ULK2: variants seen among roughly 807,000 people sequenced by gnomAD.
The protein encoded by ULK2 is serine/threonine-protein kinase ULK2.
A neutral mutation model predicts 127.5 loss-of-function variants in ULK2; 76 were observed. The observed-to-expected ratio is 0.60, with a 90% confidence interval of 0.50 to 0.72. ULK2 has a LOEUF of 0.72. Among genes scored for constraint, ULK2 ranks in the 30% least tolerant of loss-of-function variants. The pLI, the probability that ULK2 is intolerant of heterozygous loss-of-function variation, is 0.00. For synonymous variants in ULK2, 452 were observed against 461.9 expected, an observed-to-expected ratio of 0.98 and a Z score of 0.28; for missense variants, 1,144 against 1,295.9, an observed-to-expected ratio of 0.88 and a Z score of 1.80.
chr17:19,815,654 A>G (rs1006827088), intron 13 of ULK2, among the ~76,000 whole-genome samples: 1 of 152,198 alleles, frequency 6.6e-6, no homozygotes, highest in Non-Finnish European at 1.5e-5. Flanking sequence ...TATAAAAGTA[A>G]CACAGCCTAG....
At chr17:19,825,362 T>G (rs1207466456) in intron 11 of ULK2, among the ~76,000 whole-genome samples, 180 bp from the exon 12 acceptor site, 1 of 152,192 alleles carries the variant, frequency 6.6e-6, no homozygotes, top group Non-Finnish European at 1.5e-5. Context: ...CTATTTCAAC[T>G]TCGTTTCAGA....
chr17:19,788,185 G>A (rs1369200340), intron 20 of ULK2, among the ~76,000 whole-genome samples: 1 of 152,032 alleles, frequency 6.6e-6, no homozygotes, highest in Non-Finnish European at 1.5e-5. Context: ...TGCCGTGCTG[G>A]GCTTAAAGCC....
intron 10 of ULK2, among the ~76,000 whole-genome samples, chr17:19,831,512 G>GTTT (rs2041441665): frequency 6.6e-6 from 1 of 152,146 alleles, no homozygotes; most frequent in Non-Finnish European, 1.5e-5. Context: ...AAATATACCT[G>GTTT]TAAACACCTC....
chr17:19,824,900 T>C (rs938495714), intron 12 of ULK2, among the ~76,000 whole-genome samples, 194 bp downstream of exon 12: 2 of 152,210 alleles, frequency 1.3e-5, no homozygotes, highest in Non-Finnish European at 2.9e-5. Flanking sequence ...TTCTGGAGCT[T>C]ACACAGTAAC....
chr17:19,846,967 A>G (rs2041898768), intron 5 of ULK2, 57 bp from the exon 6 acceptor site: 13 of 1,500,708 alleles, frequency 8.7e-6, no homozygotes, highest in Non-Finnish European at 9.0e-7. Flanking sequence ...TACCATCTGC[A>G]TATTCCATCA....
chr17:19,781,753 A>G, intron 23 of ULK2, 136 bp downstream of exon 23: 2 of 981,806 alleles, frequency 2.0e-6, no homozygotes, highest in Admixed American at 3.0e-5. Flanking sequence ...AGTGAAATGT[A>G]GTACAAAGAA....
intron 18 of ULK2, among the ~76,000 whole-genome samples, chr17:19,796,912 T>C (rs1427826535): frequency 6.6e-6 from 1 of 152,208 alleles, no homozygotes; most frequent in Non-Finnish European, 1.5e-5. Flanking sequence ...TTTCCTTTTT[T>C]CAGGATTAAA....
intron 22 of ULK2, among the ~76,000 whole-genome samples, chr17:19,782,498 C>A (rs565032073): frequency 1.3e-5 from 2 of 152,238 alleles, no homozygotes; most frequent in Non-Finnish European, 2.9e-5. Flanking sequence ...TATTTAATTT[C>A]TGGTCGTTTT....
chr17:19,849,377 T>C lies in ULK2; in HGVS notation c.287A>G (p.Tyr96Cys). 1 of 1,609,040 alleles carries C rather than the reference T, an allele frequency of 6.2e-7. No homozygotes were observed. Among genetic ancestry groups the C allele is most frequent in the Non-Finnish European group, 8.5e-7 (1 of 1,177,116 alleles). The change falls in exon 5 of 27, where the codon TAT (tyrosine) becomes TGT (cysteine). Residue 96 changes from tyrosine (Y) to cysteine (C), a missense_variant. Physicochemically the swap from Tyr to Cys is radical, Grantham distance 194 (BLOSUM62 -2). This residue lies in a region of ULK2 where 231 missense variants were observed against 325.4 expected (regional missense o/e 0.71). Coordinates refer to ENST00000395544, the MANE Select transcript of ULK2 (RefSeq NM_014683.4). ...CACACATACACAGTTACCTTGCAAA[T>C]AATCTGCGAGGTCTCCACCATTGCA... Reference protein sequence around the residue: ...EYCNGGDLADYLQAKGTLSED... With the variant: ...EYCNGGDLADCLQAKGTLSED...
At chr17:19,788,876 C>T (rs1243439955) in intron 20 of ULK2, among the ~76,000 whole-genome samples, 4 of 152,172 alleles carry the variant, frequency 2.6e-5, no homozygotes, top group Non-Finnish European at 4.4e-5. Context: ...CAGGAAAGAC[C>T]GGGAAGGACT....
At chr17:19,865,695 G>A in intron 2 of ULK2, 41 bp downstream of exon 2, 1 of 1,219,178 alleles carries the variant, frequency 8.2e-7, no homozygotes, top group Non-Finnish European at 1.1e-6. Context: ...TTTAAATTAA[G>A]TTTTAACCTT....
intron 3 of ULK2, among the ~76,000 whole-genome samples, chr17:19,858,947 GCA>G (rs1362015004): frequency 6.6e-6 from 1 of 151,930 alleles, no homozygotes; most frequent in African/African-American, 2.4e-5. Context: ...TCCAACCTGG[GCA>G]ACAGAGTGAA....
Position 19,867,464 on chromosome 17 carries a change from G to GGCGCAGGTATCAGCACC in ULK2, c.-64_-48dup. 1 of 1,524,398 alleles carries GGCGCAGGTATCAGCACC rather than the reference G, an allele frequency of 6.6e-7. No individual in the cohort carries two copies. The highest frequency in any genetic ancestry group is 8.9e-7 in the Non-Finnish European group (1 of 1,127,782). The allele number at this position is 1,524,398 out of a possible 1,614,324, so 94.4% of individuals were successfully genotyped here. A position where few individuals can be genotyped will look rare whatever the true frequency, so the allele number is the denominator to read the frequency against. On this transcript the variant is annotated 5_prime_UTR_variant, in exon 1 of 27. Transcript: ENST00000395544. ...AGCGGACGGGCGGGCGGCGCAGTGC[G>GGCGCAGGTATCAGCACC]GCGCAGGTATCAGCACCGCGGCTCC...
In ULK2 at chr17:19,772,748, G is replaced by A. The variant is rs1986269; in HGVS notation, c.*3601C>T. ...TGTAATCCCAGCACTTTGGGAGGCC[G>A]AGGCGGGCGGATCACGAGGTCAGGA... On this transcript the variant is annotated 3_prime_UTR_variant, in exon 27 of 27. Coordinates refer to ENST00000395544, the MANE Select transcript of ULK2 (RefSeq NM_014683.4). 4.6e-3 allele frequency: 705 copies of A among 152,304 alleles called. 19 individuals carry two copies. In the East Asian group the frequency reaches 0.084, roughly 18 times the overall value. The allele number at this position is 152,304 out of a possible 1,614,324, so 9.4% of individuals were successfully genotyped here.
At chr17:19,802,526 G>A (rs1428186972) in intron 15 of ULK2, among the ~76,000 whole-genome samples, 1 of 152,128 alleles carries the variant, frequency 6.6e-6, no homozygotes, top group Admixed American at 6.6e-5. Context: ...ATTTCTAATG[G>A]CTCACAGAAG....
chr17:19,853,867 G>A (rs1003896600), intron 3 of ULK2, among the ~76,000 whole-genome samples: 7 of 151,700 alleles, frequency 4.6e-5, no homozygotes, highest in African/African-American at 1.7e-4. Flanking sequence ...CACCACGCCC[G>A]GCCAAGGCCC....
chr17:19,790,556 C>A (rs2087129931), intron 20 of ULK2, among the ~76,000 whole-genome samples: 1 of 151,612 alleles, frequency 6.6e-6, no homozygotes. Context: ...AGAAAATCAC[C>A]TTCACTAAAA....
At chr17:19,790,098 G>A (rs1424699982) in intron 20 of ULK2, among the ~76,000 whole-genome samples, 2 of 152,110 alleles carry the variant, frequency 1.3e-5, no homozygotes, top group East Asian at 1.9e-4. Context: ...GCTTGTTTAT[G>A]CAATCAGTGT....
chr17:19,774,448 A>T lies in ULK2; in HGVS notation c.*1901T>A, dbSNP rs540722624. The stretch of plus-strand genomic sequence containing the variant: ...TGTTTCATCCTGTCTTAAAAAAGAA[A>T]TGGGAGAGGAAGAGGAGAGGATAGA... On this transcript the variant is annotated 3_prime_UTR_variant, in exon 27 of 27. Transcript: ENST00000395544. 1 of 152,344 alleles carries T rather than the reference A, an allele frequency of 6.6e-6. No individual in the cohort carries two copies. The highest frequency in any genetic ancestry group is 6.5e-5 in the Admixed American group (1 of 15,304). The allele number at this position is 152,344 out of a possible 1,614,324, so 9.4% of individuals were successfully genotyped here.
Sources: gnomAD v4.1 joint callset for allele counts (sites outside exome capture counted in the v4.1 genomes callset) on GRCh38, gnomAD v4.1.1 for gene constraint, gnomAD v4.1.1 regional missense constraint, MANE v1.5 for transcripts, NCBI Gene and HGNC (gene_info 2026-07-23, HGNC 2026-07-21) for gene names.